Variants in PRKG1 observed in about 807,000 individuals in gnomAD.
PRKG1 encodes protein kinase cGMP-dependent 1.
A neutral mutation model predicts 88.1 loss-of-function variants in PRKG1; 35 were observed. The observed-to-expected ratio is 0.40, with a 90% confidence interval of 0.30 to 0.53. PRKG1 has a LOEUF of 0.53. Among genes scored for constraint, PRKG1 ranks in the 20% least tolerant of loss-of-function variants. The pLI, the probability that PRKG1 is intolerant of heterozygous loss-of-function variation, is 0.59. For synonymous variants in PRKG1, 303 were observed against 292.5 expected, an observed-to-expected ratio of 1.04 and a Z score of -0.37; for missense variants, 540 against 839.8, an observed-to-expected ratio of 0.64 and a Z score of 4.41.
intron 2 of PRKG1, among the ~76,000 whole-genome samples, chr10:51,406,080 T>C (rs979837069): frequency 1.3e-5 from 2 of 152,146 alleles, no homozygotes; most frequent in African/African-American, 4.8e-5. Context: ...CGATCCTCTG[T>C]CTCTACTTCT....
intron 2 of PRKG1, 135 bp downstream of exon 2, chr10:51,153,465 T>G (rs1846129028): frequency 1.2e-6 from 1 of 818,652 alleles, no homozygotes; most frequent in Non-Finnish European, 1.8e-6. Context: ...TGAGAAGAGT[T>G]GAAACACTAC....
chr10:51,536,920 G>A (rs191376733), intron 3 of PRKG1, among the ~76,000 whole-genome samples: 144 of 150,972 alleles, frequency 9.5e-4, no homozygotes, highest in South Asian at 4.2e-3. Context: ...TTGTCCTTGC[G>A]ATAGTTTACT....
Position 51,701,016 on chromosome 10 carries a change from C to T in PRKG1, c.593-103569C>T, listed in dbSNP as rs971131301. ...AACATACATGAAAGATTTTAATGATCAAATACAAAAAAAGTAAAAATAGCC... is the reference window on the plus strand; with the variant it reads ...AACATACATGAAAGATTTTAATGATTAAATACAAAAAAAGTAAAAATAGCC... On this transcript the variant is annotated intron_variant, in intron 3 of 17. Transcript: ENST00000373980. Among the ~76,000 whole-genome samples, 4 of 151,902 alleles carry T rather than the reference C, an allele frequency of 2.6e-5. No homozygotes were observed. In the South Asian group the frequency reaches 6.2e-4, roughly 24 times the overall value.
intron 3 of PRKG1, among the ~76,000 whole-genome samples, chr10:51,790,962 T>G (rs2132582735): frequency 6.6e-6 from 1 of 152,286 alleles, no homozygotes. Context: ...AATGGAAAAC[T>G]TCTTAGCACA....
rs77718660 is a variant in PRKG1 at position 51,475,907 on chromosome 10, G to C, written c.592+8071G>C. 6.5e-3 allele frequency among the ~76,000 whole-genome samples: 985 copies of C among 152,134 alleles called. 7 individuals carry two copies. Among genetic ancestry groups the C allele is most frequent in the African/African-American group, 0.022 (930 of 41,528 alleles). On this transcript the variant is annotated intron_variant, in intron 3 of 17. Coordinates refer to ENST00000373980, the MANE Select transcript of PRKG1 (RefSeq NM_006258.4). ...GTTCCTTTTCCTGGTCATGAGTGTA[G>C]TTTGGATTAAGTGATAACAAAGGTG...
chr10:52,284,033 A>G (rs1014986620), intron 14 of PRKG1, among the ~76,000 whole-genome samples: 5 of 151,952 alleles, frequency 3.3e-5, no homozygotes, highest in African/African-American at 4.8e-5. Context: ...TAAAACCTTA[A>G]TCTTAAAAAC....
chr10:51,211,289 T>C (rs1343449557), intron 2 of PRKG1, among the ~76,000 whole-genome samples: 1 of 152,146 alleles, frequency 6.6e-6, no homozygotes, highest in African/African-American at 2.4e-5. Flanking sequence ...ATACTCTCAA[T>C]AAATTAGGTA....
chr10:51,387,610 T>C (rs953797426), intron 2 of PRKG1, among the ~76,000 whole-genome samples: 1 of 152,152 alleles, frequency 6.6e-6, no homozygotes, highest in Non-Finnish European at 1.5e-5. Context: ...CCTGAATTGA[T>C]ATTGAAACAT....
chr10:51,396,946 A>T, intron 2 of PRKG1, among the ~76,000 whole-genome samples: 1 of 152,308 alleles, frequency 6.6e-6, no homozygotes, highest in Middle Eastern at 3.4e-3. Context: ...AAATCACTAC[A>T]AAATAAGTCC....
At chr10:51,616,961 G>A (rs1009825429) in intron 3 of PRKG1, among the ~76,000 whole-genome samples, 2 of 152,156 alleles carry the variant, frequency 1.3e-5, no homozygotes, top group Non-Finnish European at 2.9e-5. Context: ...ACCCAGGACA[G>A]TAGGCCATCT....
intron 4 of PRKG1, among the ~76,000 whole-genome samples, chr10:51,852,280 T>G (rs561526595): frequency 6.6e-6 from 1 of 150,444 alleles, no homozygotes; most frequent in African/African-American, 2.4e-5. Context: ...AACTTAGATT[T>G]GCCTAATACT....
intron 9 of PRKG1, among the ~76,000 whole-genome samples, chr10:52,170,107 A>C (rs1838623707): frequency 6.6e-6 from 1 of 152,222 alleles, no homozygotes; most frequent in Non-Finnish European, 1.5e-5. Flanking sequence ...TCCTAAGAGG[A>C]ATAAAAAGGT....
intron 4 of PRKG1, among the ~76,000 whole-genome samples, chr10:51,843,093 C>CTTTTTTTTTTTTTTTTT (rs1167219822): frequency 3.4e-5 from 3 of 87,912 alleles, no homozygotes; most frequent in Non-Finnish European, 6.9e-5. Context: ...GAAAATTATT[C>CTTTTTTTTTTTTTTTTT]TTTTTTTTTT....
intron 3 of PRKG1, among the ~76,000 whole-genome samples, chr10:51,707,237 A>G (rs1841629369): frequency 6.6e-6 from 1 of 152,194 alleles, no homozygotes; most frequent in Non-Finnish European, 1.5e-5. Context: ...GTAGTCGGCT[A>G]GAATTCCACT....
chr10:51,236,888 G>A (rs763635837), intron 2 of PRKG1, among the ~76,000 whole-genome samples: 1 of 152,276 alleles, frequency 6.6e-6, no homozygotes, highest in East Asian at 1.9e-4. Context: ...AACAGAGGCA[G>A]TCATAAAGGG....
chr10:52,136,596 A>C (rs1837429837), intron 8 of PRKG1, among the ~76,000 whole-genome samples: 1 of 152,098 alleles, frequency 6.6e-6, no homozygotes, highest in African/African-American at 2.4e-5. Context: ...TTTTACAAGA[A>C]TATGGGTAAA....
chr10:51,063,519 T>TA (rs1214001857), intron 1 of PRKG1, among the ~76,000 whole-genome samples: 1 of 152,086 alleles, frequency 6.6e-6, no homozygotes, highest in Non-Finnish European at 1.5e-5. Context: ...GTATAAAAGA[T>TA]AAAAAAGGTA....
intron 1 of PRKG1, among the ~76,000 whole-genome samples, chr10:51,045,591 A>C (rs1440500792): frequency 6.6e-6 from 1 of 152,150 alleles, no homozygotes. Flanking sequence ...AATATTTTAA[A>C]GTTGTAAATC....
chr10:51,073,806 C>T (rs1293724341), upstream of PRKG1, among the ~76,000 whole-genome samples: 1 of 152,148 alleles, frequency 6.6e-6, no homozygotes, highest in Non-Finnish European at 1.5e-5. Context: ...CTCGCATCTC[C>T]TGAGAGGCAA....
Sources: allele counts gnomAD v4.1 joint callset (sites outside exome capture counted in the v4.1 genomes callset), GRCh38; gene constraint gnomAD v4.1.1; transcripts MANE v1.5; gene names NCBI Gene and HGNC (gene_info 2026-07-23, HGNC 2026-07-21).